Variants in OTC observed in about 807,000 individuals in gnomAD.
The protein encoded by OTC is ornithine transcarbamylase.
In OTC, 3 loss-of-function variants were observed where a neutral mutation model predicts 30.3. That is an observed-to-expected ratio of 0.10 (90% CI 0.05 to 0.26). The LOEUF is 0.26. Among genes scored for constraint, OTC ranks in the 10% least tolerant of loss-of-function variants. The pLI is 1.00. For synonymous variants in OTC, 111 were observed against 99.7 expected, an observed-to-expected ratio of 1.11 and a Z score of -0.67; for missense variants, 194 against 260.3, an observed-to-expected ratio of 0.75 and a Z score of 1.75.
intron 6 of OTC, among the ~76,000 whole-genome samples, chrX:38,404,544 C>T (rs536604371): frequency 7.2e-5 from 8 of 111,609 alleles, no homozygotes; most frequent in African/African-American, 9.8e-5. Flanking sequence ...CTTACACAAA[C>T]GTAGATGGTA....
chrX:38,409,999 A>G (rs1248270175), intron 8 of OTC, among the ~76,000 whole-genome samples: 1 of 111,077 alleles, frequency 9.0e-6, no homozygotes, highest in Non-Finnish European at 1.9e-5. Flanking sequence ...CAATACACAC[A>G]TAACTATTGA....
upstream of OTC, among the ~76,000 whole-genome samples, chrX:38,348,686 G>C (rs934924439): frequency 3.7e-5 from 4 of 109,170 alleles, no homozygotes. Context: ...ACAGGCACCC[G>C]CCACCACACC....
intron 3 of OTC, among the ~76,000 whole-genome samples, chrX:38,370,766 C>T (rs941281520): frequency 9.0e-6 from 1 of 111,037 alleles, no homozygotes; most frequent in African/African-American, 3.3e-5. Context: ...ACCCGATAAA[C>T]CCTGCTCTTC....
intron 4 of OTC, among the ~76,000 whole-genome samples, chrX:38,400,288 TTAAGTC>T (rs2147340696): frequency 9.0e-6 from 1 of 111,434 alleles, no homozygotes; most frequent in East Asian, 2.8e-4. Flanking sequence ...AATCTGATCT[TTAAGTC>T]TAGAAAAATA....
intron 7 of OTC, 31 bp downstream of exon 7, chrX:38,408,826 C>T (rs184054006): frequency 4.1e-4 from 489 of 1,204,656 alleles, no homozygotes; most frequent in Middle Eastern, 2.5e-3. Flanking sequence ...GCTATTATTG[C>T]CTTTTACTGT....
intron 2 of OTC, among the ~76,000 whole-genome samples, chrX:38,369,353 CT>C (rs113753372): frequency 0.25 from 26,223 of 103,292 alleles, 2,999 homozygotes; most frequent in African/African-American, 0.37. Flanking sequence ...TTTAAATTCA[CT>C]TTTTTTTTTT....
chrX:38,337,534 T>C, the OTC span, among the ~76,000 whole-genome samples: 2 of 111,965 alleles, frequency 1.8e-5, no homozygotes, highest in South Asian at 3.7e-4. Context: ...TATAGGTCTA[T>C]GCCTCTGGTC....
At chrX:38,336,699 T>C in the OTC span, among the ~76,000 whole-genome samples, 1 of 110,129 alleles carries the variant, frequency 9.1e-6, no homozygotes, top group Non-Finnish European at 1.9e-5. Context: ...GAGTATTCAA[T>C]TGGCCGAGGC....
upstream of OTC, among the ~76,000 whole-genome samples, chrX:38,352,297 A>G (rs1202886797): frequency 8.9e-6 from 1 of 111,742 alleles, no homozygotes; most frequent in Non-Finnish European, 1.9e-5. Flanking sequence ...GCCAATTTGC[A>G]TTTTCTGAGT....
chrX:38,393,436 G>C (rs1254284359), intron 4 of OTC, among the ~76,000 whole-genome samples: 1 of 111,675 alleles, frequency 9.0e-6, no homozygotes, highest in Non-Finnish European at 1.9e-5. Context: ...TTTTACTTTT[G>C]TATGGTCCTG....
intron 3 of OTC, among the ~76,000 whole-genome samples, chrX:38,379,005 A>G (rs2068363327): frequency 9.0e-6 from 1 of 111,364 alleles, no homozygotes; most frequent in Admixed American, 9.6e-5. Context: ...GAACTTTCTT[A>G]TCAGCTTTCC....
chrX:38,395,467 CAT>C (rs2068451067), intron 4 of OTC: 1 of 118,562 alleles, frequency 8.4e-6, no homozygotes, highest in African/African-American at 3.2e-5. Flanking sequence ...GGTGCTCAAA[CAT>C]CACAAGGCCA....
the OTC span, among the ~76,000 whole-genome samples, chrX:38,344,228 GATATATATAT>G: frequency 0.21 from 16,257 of 77,296 alleles, 1,096 homozygotes; most frequent in Middle Eastern, 0.33. Flanking sequence ...CTCTTTTGGT[GATATATATAT>G]ATACACACAC....
the OTC span, among the ~76,000 whole-genome samples, chrX:38,338,088 A>G: frequency 2.5e-3 from 276 of 112,049 alleles, 2 homozygotes; most frequent in African/African-American, 8.4e-3. Context: ...CCAGCTTTCA[A>G]TCTAACTCAG....
intron 1 of OTC, among the ~76,000 whole-genome samples, chrX:38,362,795 G>A (rs977718673): frequency 8.9e-6 from 1 of 112,077 alleles, no homozygotes; most frequent in African/African-American, 3.2e-5. Flanking sequence ...AATAAGAACT[G>A]GAAGCTGGAG....
chrX:38,388,762 T>G (rs1249728120), intron 4 of OTC, among the ~76,000 whole-genome samples: 1 of 112,223 alleles, frequency 8.9e-6, no homozygotes, highest in Non-Finnish European at 1.9e-5. Flanking sequence ...TGTAACACTG[T>G]TCTACTCTAA....
chrX:38,413,856 G>C (rs747433626), intron 9 of OTC, among the ~76,000 whole-genome samples: 1 of 107,578 alleles, frequency 9.3e-6, no homozygotes, highest in African/African-American at 3.4e-5. Flanking sequence ...TTTTAGTGGC[G>C]GGTAGGGGGG....
chrX:38,414,046 T>A (rs2068557633), intron 9 of OTC, among the ~76,000 whole-genome samples: 1 of 111,489 alleles, frequency 9.0e-6, no homozygotes, highest in Non-Finnish European at 1.9e-5. Context: ...AGCAAAGATC[T>A]AGATGACAAA....
At chrX:38,399,042 T>C (rs1318966552) in intron 4 of OTC, among the ~76,000 whole-genome samples, 2 of 112,108 alleles carry the variant, frequency 1.8e-5, no homozygotes, top group Non-Finnish European at 3.8e-5. Flanking sequence ...TCTTCTGTTT[T>C]TGTGGGCTGC....
Sources: allele counts gnomAD v4.1 joint callset (sites outside exome capture counted in the v4.1 genomes callset), GRCh38; gene constraint gnomAD v4.1.1; transcripts MANE v1.5; gene names NCBI Gene and HGNC (gene_info 2026-07-23, HGNC 2026-07-21).